Variants in STK24 observed in about 807,000 individuals in gnomAD.
STK24 encodes the protein serine/threonine-protein kinase 24.
STK24 carries 21 observed loss-of-function variants against 55.6 expected under a neutral mutation model. The observed-to-expected ratio is 0.38, with a 90% CI of 0.27 to 0.54. The LOEUF (loss-of-function observed/expected upper bound fraction) is 0.54, where lower values mean the gene tolerates loss of function less well. Ranked by LOEUF, STK24 falls within the 20% of genes least tolerant of loss-of-function variation. The pLI is 0.79. For missense variants in STK24, 383 were observed against 538.4 expected (o/e 0.71, Z 2.86); for synonymous variants, 200 against 215.2 (o/e 0.93, Z 0.62).
chr13:98,563,986 T>C (rs1053525075), intron 1 of STK24, among the ~76,000 whole-genome samples: 2 of 151,242 alleles, frequency 1.3e-5, no homozygotes, highest in African/African-American at 2.4e-5. Flanking sequence ...GAAAGCCTGG[T>C]AAAATCAAAG....
intron 1 of STK24, among the ~76,000 whole-genome samples, chr13:98,527,766 A>G (rs1896474083): frequency 1.3e-5 from 2 of 152,160 alleles, no homozygotes; most frequent in South Asian, 4.1e-4. Context: ...AGCACCACCC[A>G]GCCACAGACG....
In STK24 at chr13:98,446,642, CTTTGCTTTGT is replaced by C. The variant is rs769247229; in HGVS notation, c.*6521_*6530del. The C allele has an allele frequency of 6.2e-7, 1 of 1,612,622 alleles. No homozygotes were observed. Among genetic ancestry groups the C allele is most frequent in the South Asian group, 1.1e-5 (1 of 90,998 alleles). ...AGCAGAAGCTGACCCCGAAAAGCCA[CTTTGCTTTGT>C]TTCCCCTTTCCAGGACAATCATCCC... On this transcript the variant is annotated 3_prime_UTR_variant, in exon 11 of 11. Transcript: ENST00000539966.
At chr13:98,568,003 C>CTT (rs35375509) in intron 1 of STK24, among the ~76,000 whole-genome samples, 1 of 141,798 alleles carries the variant, frequency 7.1e-6, no homozygotes, top group African/African-American at 2.6e-5. Context: ...AAACAGAGAA[C>CTT]TTTTTTTTTT....
At chr13:98,536,767 A>C (rs978231544) in intron 1 of STK24, among the ~76,000 whole-genome samples, 1 of 152,000 alleles carries the variant, frequency 6.6e-6, no homozygotes, top group African/African-American at 2.4e-5. Context: ...GACCTCTCAG[A>C]ACGATCTTCC....
intron 6 of STK24, among the ~76,000 whole-genome samples, chr13:98,465,383 A>G (rs1353840878): frequency 6.6e-6 from 1 of 152,240 alleles, no homozygotes; most frequent in Non-Finnish European, 1.5e-5. Context: ...GTGCTGGGGC[A>G]TAAGCCCATA....
Position 98,447,858 on chromosome 13 carries a change from A to C in STK24, c.*5315T>G. On this transcript the variant is annotated 3_prime_UTR_variant, in exon 11 of 11. Coordinates refer to ENST00000539966, the MANE Select transcript of STK24 (RefSeq NM_001032296.4). ...AGACCCTGTCTCAAAAAAAAAAGAA[A>C]AAGAAAAAAGGAAGGGAGAGCTTCC... 4.7e-6 allele frequency: 1 copy of C among 214,412 alleles called. No homozygotes were observed. Among genetic ancestry groups the C allele is most frequent in the African/African-American group, 2.3e-5 (1 of 42,934 alleles). The allele number at this position is 214,412 out of a possible 1,614,324, so 13.3% of individuals were successfully genotyped here.
intron 1 of STK24, among the ~76,000 whole-genome samples, chr13:98,565,869 T>C (rs199888974): frequency 6.6e-6 from 1 of 152,026 alleles, no homozygotes; most frequent in East Asian, 1.9e-4. Flanking sequence ...AATCCTAAAT[T>C]CCAGGAAGCC....
intron 6 of STK24, 23 bp from the exon 7 acceptor site, chr13:98,463,859 TA>T: frequency 3.1e-6 from 5 of 1,608,842 alleles, no homozygotes; most frequent in Non-Finnish European, 4.2e-6. Flanking sequence ...ACCCAACAAT[TA>T]AAGTATGAGA....
At chr13:98,457,021 T>C in intron 10 of STK24, 147 bp downstream of exon 10, 1 of 950,182 alleles carries the variant, frequency 1.1e-6, no homozygotes. Context: ...CAGAACAAAG[T>C]CTCCTCTAAT....
At position 98,485,989 on chromosome 13, in the gene STK24, C is replaced by T. The variant is rs191441453; in HGVS notation, c.274-3668G>A. Among the ~76,000 whole-genome samples, 609 of 152,086 alleles carry T rather than the reference C, an allele frequency of 4.0e-3. 7 individuals carry two copies. Among genetic ancestry groups the T allele is most frequent in the Admixed American group, 0.036 (547 of 15,278 alleles). ...TCCTTCCCACAGAAATGGGAGGAAG[C>T]GGAAGAGGAGCAGGGACAGGAACAC... On this transcript the variant is annotated intron_variant, in intron 2 of 10. Coordinates refer to ENST00000539966, the MANE Select transcript of STK24 (RefSeq NM_001032296.4).
intron 5 of STK24, 43 bp downstream of exon 5, chr13:98,474,778 C>T (rs368759513): frequency 6.4e-7 from 1 of 1,561,128 alleles, no homozygotes; most frequent in Non-Finnish European, 8.7e-7. Context: ...CGGGAGCCCT[C>T]CAGGCCTCGT....
intron 5 of STK24, among the ~76,000 whole-genome samples, chr13:98,469,147 T>C (rs1368850105): frequency 6.6e-6 from 1 of 152,190 alleles, no homozygotes; most frequent in Non-Finnish European, 1.5e-5. Context: ...GCACGCAGTG[T>C]GCACCACGGG....
chr13:98,569,988 T>C (rs1897697549), intron 1 of STK24, among the ~76,000 whole-genome samples: 1 of 151,768 alleles, frequency 6.6e-6, no homozygotes, highest in South Asian at 2.1e-4. Context: ...AGAATTCTCC[T>C]GCCTCAGCCT....
At chr13:98,529,659 G>A (rs1896530781) in intron 1 of STK24, among the ~76,000 whole-genome samples, 1 of 152,098 alleles carries the variant, frequency 6.6e-6, no homozygotes, top group African/African-American at 2.4e-5. Flanking sequence ...TAGATCCTTG[G>A]TTGCTGAGGC....
intron 9 of STK24, among the ~76,000 whole-genome samples, chr13:98,458,922 G>A (rs569424244): frequency 1.3e-5 from 2 of 152,336 alleles, no homozygotes; most frequent in Non-Finnish European, 2.9e-5. Context: ...CTGAACTCTA[G>A]GGTAGCAAAT....
chr13:98,537,911 G>A (rs1896779602), intron 1 of STK24, among the ~76,000 whole-genome samples: 1 of 152,172 alleles, frequency 6.6e-6, no homozygotes, highest in South Asian at 2.1e-4. Flanking sequence ...GGATGAACCT[G>A]CTGAGGGGCT....
At position 98,565,040 on chromosome 13, in the gene STK24, T is replaced by C. The variant is rs544206179; in HGVS notation, c.42+11705A>G. ...GGTCAGCGGTTCCAAAGTCAGTCTT[T>C]GGAAATACAAGCCATAGGCTGCAAG... On this transcript the variant is annotated intron_variant, in intron 1 of 10. Transcript: ENST00000539966. Among the ~76,000 whole-genome samples, 18 of 152,282 alleles carry C rather than the reference T, an allele frequency of 1.2e-4. No homozygotes were observed. In the South Asian group the frequency reaches 2.7e-3, roughly 23 times the overall value.
intron 1 of STK24, among the ~76,000 whole-genome samples, chr13:98,559,002 T>TAAAAAAAAAAAAA (rs60756124): frequency 4.6e-5 from 2 of 43,024 alleles, no homozygotes; most frequent in African/African-American, 2.0e-4. Context: ...CTGTCTCTAC[T>TAAAAAAAAAAAAA]AAAAAAAAAA....
rs1336386258 is a variant in STK24, at chr13:98,445,978, C to A, written c.*7195G>T. The stretch of plus-strand genomic sequence containing the variant: ...CACACACGGGGGAGCGGGGGTGGGG[C>A]CCACATCCTTCAGTCACGGACATGC... On this transcript the variant is annotated 3_prime_UTR_variant, in exon 11 of 11. Transcript: ENST00000539966. 3.0e-6 allele frequency: 2 copies of A among 661,868 alleles called. No homozygotes were observed. The highest frequency in any genetic ancestry group is 2.7e-5 in the East Asian group (1 of 36,808). 41.0% of individuals were successfully genotyped at this position (661,868 alleles called of 1,614,324 possible).
Sources: allele counts gnomAD v4.1 joint callset (sites outside exome capture counted in the v4.1 genomes callset), GRCh38; gene constraint gnomAD v4.1.1; transcripts MANE v1.5; gene names NCBI Gene and HGNC (gene_info 2026-07-23, HGNC 2026-07-21).